Variants in FANCA observed in about 807,000 individuals in gnomAD.
The protein encoded by FANCA is FA complementation group A, also known as Fanconi anemia group A protein.
FANCA carries 236 observed loss-of-function variants against 194.3 expected under a neutral mutation model. That is an observed-to-expected ratio of 1.21 (90% CI 1.09 to 1.35). The LOEUF is 1.35. Among genes scored for constraint, FANCA ranks in the 40% most tolerant of loss-of-function variants. FANCA has a pLI of 0.00. For missense variants in FANCA, 2,628 were observed against 1,813.9 expected, an observed-to-expected ratio of 1.45 and a Z score of -8.15; for synonymous variants, 1,014 against 715.8, an observed-to-expected ratio of 1.42 and a Z score of -6.65.
intron 15 of FANCA, among the ~76,000 whole-genome samples, 180 bp downstream of exon 15, chr16:89,784,674 T>C (rs536336040): frequency 1.3e-5 from 2 of 152,118 alleles, no homozygotes; most frequent in Non-Finnish European, 1.5e-5. Context: ...ACACCTCCAG[T>C]TGCAATGTTT....
chr16:89,791,714 G>A, intron 13 of FANCA, 178 bp from the exon 14 acceptor site: 3 of 1,012,076 alleles, frequency 3.0e-6, no homozygotes, highest in Non-Finnish European at 4.4e-6. Context: ...AGACCTGAAT[G>A]AAGCAGCAGT....
At chr16:89,779,675 C>T (rs371251657) in intron 18 of FANCA, among the ~76,000 whole-genome samples, 194 bp downstream of exon 18, 6 of 152,254 alleles carry the variant, frequency 3.9e-5, no homozygotes, top group African/African-American at 1.4e-4. Context: ...TCTGAATAGA[C>T]AGTGGCCAAC....
intron 22 of FANCA, among the ~76,000 whole-genome samples, chr16:89,772,924 A>G (rs1408887582): frequency 6.6e-6 from 1 of 152,200 alleles, no homozygotes; most frequent in African/African-American, 2.4e-5. Flanking sequence ...ATCACAGGGC[A>G]GAGACCCTGT....
intron 15 of FANCA, among the ~76,000 whole-genome samples, chr16:89,784,420 T>A (rs1051904041): frequency 1.9e-4 from 23 of 121,094 alleles, no homozygotes; most frequent in Non-Finnish European, 2.7e-4. Flanking sequence ...CCACATGAAA[T>A]TAAAAAAAAA....
At chr16:89,790,561 T>G (rs545988107) in intron 14 of FANCA, among the ~76,000 whole-genome samples, 1 of 151,950 alleles carries the variant, frequency 6.6e-6, no homozygotes, top group Admixed American at 6.6e-5. Context: ...AAACCCCGTC[T>G]CTACTAAAAA....
At chr16:89,798,988 G>A (rs1351926974) in intron 10 of FANCA, 178 bp downstream of exon 10, 10 of 1,613,824 alleles carry the variant, frequency 6.2e-6, no homozygotes, top group South Asian at 1.1e-5. Flanking sequence ...GCTGACCAGA[G>A]CGTTCCCCGG....
chr16:89,811,081 A>C lies in FANCA; in HGVS notation c.284-10T>G. On this transcript the variant is annotated splice_polypyrimidine_tract_variant and intron_variant, in intron 3 of 42. Transcript: ENST00000389301. ...TCCTGCAAAGCAGAGCCTTAAACAC[A>C]AAACAAAACCATAGCTTTCTCTTAA... 4 of 1,613,976 alleles carry C rather than the reference A, an allele frequency of 2.5e-6. No individual in the cohort carries two copies. Among genetic ancestry groups the C allele is most frequent in the Non-Finnish European group, 1.7e-6 (2 of 1,180,040 alleles).
chr16:89,791,234 C>A lies in FANCA; in HGVS notation c.1359+169G>T, dbSNP rs1486789725. On this transcript the variant is annotated intron_variant, in intron 14 of 42. Coordinates refer to ENST00000389301, the MANE Select transcript of FANCA (RefSeq NM_000135.4). ...TCCGCTGAGGCCCCGACAGGGAGAA[C>A]CCAGGCTCCTCGGCACACGCAGAGG... 1.1e-5 allele frequency: 10 copies of A among 882,086 alleles called. No homozygotes were observed. The East Asian group carries it at 2.4e-4, about 21-fold the overall frequency. The allele number at this position is 882,086 out of a possible 1,614,324, so 54.6% of individuals were successfully genotyped here.
At chr16:89,786,454 G>C (rs1003801675) in intron 14 of FANCA, among the ~76,000 whole-genome samples, 3 of 152,168 alleles carry the variant, frequency 2.0e-5, no homozygotes, top group South Asian at 4.1e-4. Context: ...TGGGATTACA[G>C]ACATGAGCCA....
Position 89,749,861 on chromosome 16 carries a change from CA to C in FANCA, c.3107del (p.Val1036GlyfsTer24). ...ADLELQQDLIVPLGHTPSQEH... is the reference protein window; with the variant it reads ...ADLELQQDLIXPLGHTPSQEH... Reference sequence around the variant, plus strand: ...CCTGGGAAGGGGTGTGGCCGAGAGGCACTATGAGGTCTTGCTGCAGCTCCAG... The same window carrying C: ...CCTGGGAAGGGGTGTGGCCGAGAGGCCTATGAGGTCTTGCTGCAGCTCCAG... On this transcript the variant is annotated frameshift_variant, in exon 32 of 43. Coordinates refer to ENST00000389301, the MANE Select transcript of FANCA (RefSeq NM_000135.4). LOFTEE classifies it high-confidence loss of function. 1 of 1,614,174 alleles carries C rather than the reference CA, an allele frequency of 6.2e-7. No homozygotes were observed.
chr16:89,750,040 A>T, intron 31 of FANCA, 138 bp from the exon 32 acceptor site: 1 of 874,640 alleles, frequency 1.1e-6, no homozygotes. Flanking sequence ...AAGCTATTTC[A>T]ATTGGAAATC....
chr16:89,798,573 C>G (rs906867623), intron 10 of FANCA: 30 of 1,144,068 alleles, frequency 2.6e-5, no homozygotes, highest in Non-Finnish European at 3.0e-5. Context: ...GAAGCAAACC[C>G]CAGAGCCCCA....
rs761934804 is a variant in FANCA, at chr16:89,739,249, C to T, written c.4051G>A (p.Glu1351Lys). The T allele has an allele frequency of 1.2e-6, 2 of 1,614,168 alleles. No homozygotes were observed. Among genetic ancestry groups the T allele is most frequent in the African/African-American group, 1.3e-5 (1 of 75,056 alleles). Residue 1351 changes from glutamate to lysine, a missense_variant, in exon 41 of 43, where the codon GAG becomes AAG. By Grantham distance (56) the Glu-to-Lys change is moderately conservative (BLOSUM62 1). Transcript: ENST00000389301. ...YFHEDAAIRE[E>K]AFLHVAVDMY... ...TCCACAGCAACATGCAGGAAGGCCT[C>T]TTCCCTGATGGCCGCGTCTTCATGG...
Position 89,791,394 on chromosome 16 carries a change from G to C in FANCA, c.1359+9C>G. 6.2e-7 allele frequency: 1 copy of C among 1,613,630 alleles called. No homozygotes were observed. On this transcript the variant is annotated intron_variant, in intron 14 of 42. Coordinates refer to ENST00000389301, the MANE Select transcript of FANCA (RefSeq NM_000135.4). ...CAGGTATTAGGTAGCCGATTGGCAG[G>C]TCACTTACCTTGAACCAGTCTGCAT...
At chr16:89,815,819 T>C in intron 2 of FANCA, 58 bp downstream of exon 2, 1 of 1,317,916 alleles carries the variant, frequency 7.6e-7, no homozygotes, top group Non-Finnish European at 1.1e-6. Context: ...GTGCGGTGGC[T>C]GGACTCAAAA....
Position 89,779,892 on chromosome 16 carries a change from G to T in FANCA, c.1692C>A (p.Ile564=). The T allele has an allele frequency of 6.2e-7, 1 of 1,613,970 alleles. No homozygotes were observed. ...ACCTGGCCTCCATGACGGTGACTGG[G>T]ATGTTCCCCGTATGCTCAAACACCA... ...AIMVFEHTGN[I]PVTVMEASIF... The change falls in exon 18 of 43, where the codon ATC becomes ATA. Residue 564 remains isoleucine, a synonymous_variant. Transcript: ENST00000389301.
chr16:89,800,897 G>C (rs1377327106), intron 8 of FANCA, among the ~76,000 whole-genome samples: 1 of 151,970 alleles, frequency 6.6e-6, no homozygotes, highest in African/African-American at 2.4e-5. Flanking sequence ...GCTAGGTGCG[G>C]TGGCGGGTGT....
At chr16:89,808,486 G>A (rs1168785429) in intron 5 of FANCA, 119 bp from the exon 6 acceptor site, 1 of 1,041,606 alleles carries the variant, frequency 9.6e-7, no homozygotes, top group East Asian at 2.5e-5. Flanking sequence ...ATGCCGTATT[G>A]AAAATTAACC....
At chr16:89,812,006 C>A (rs150427276) in intron 3 of FANCA, among the ~76,000 whole-genome samples, 138 of 150,892 alleles carry the variant, frequency 9.1e-4, no homozygotes, top group African/African-American at 3.0e-3. Flanking sequence ...GCTGGGATTA[C>A]AGGTGTGAGC....
Sources: allele counts gnomAD v4.1 joint callset (sites outside exome capture counted in the v4.1 genomes callset), GRCh38; gene constraint gnomAD v4.1.1; transcripts MANE v1.5; gene names NCBI Gene and HGNC (gene_info 2026-07-23, HGNC 2026-07-21).